Variants in GALNT2 observed in about 807,000 individuals in gnomAD.
GALNT2 encodes UDP-GalNAc:polypeptide N-acetylgalactosaminyltransferase 2.
In GALNT2, 31 loss-of-function variants were observed where a neutral mutation model predicts 81.4. The ratio of observed to expected loss-of-function variants is 0.38; its 90% confidence interval spans 0.29 to 0.51. GALNT2 has a LOEUF of 0.51. GALNT2 is among the 20% of genes least tolerant of loss of function. The probability of loss-of-function intolerance (pLI) is 0.87; values close to 1 mark genes in which losing one functional copy is unlikely to be tolerated. For missense variants in GALNT2, 629 were observed against 765.7 expected, an observed-to-expected ratio of 0.82 and a Z score of 2.11; for synonymous variants, 303 against 287.4, an observed-to-expected ratio of 1.05 and a Z score of -0.55.
At chr1:230,225,583 C>A (rs1664681229) in intron 3 of GALNT2, among the ~76,000 whole-genome samples, 1 of 151,120 alleles carries the variant, frequency 6.6e-6, no homozygotes, top group Non-Finnish European at 1.5e-5. Context: ...AGGAACACAG[C>A]GTGGGCTGGG....
intron 1 of GALNT2, among the ~76,000 whole-genome samples, chr1:230,095,705 G>C (rs555716824): frequency 6.6e-6 from 1 of 152,210 alleles, no homozygotes; most frequent in Non-Finnish European, 1.5e-5. Flanking sequence ...ACTTGAACCA[G>C]TAGACTGCTG....
upstream of GALNT2, chr1:230,067,148 A>C: frequency 6.4e-6 from 2 of 311,060 alleles, no homozygotes; most frequent in Non-Finnish European, 1.0e-5. Context: ...GAGCAGTAGC[A>C]CCGCGCGGGA....
chr1:230,126,168 C>T (rs986231355), intron 1 of GALNT2, among the ~76,000 whole-genome samples: 1 of 152,124 alleles, frequency 6.6e-6, no homozygotes, highest in African/African-American at 2.4e-5. Flanking sequence ...GTGGGGGCAA[C>T]CCCAGCAGAG....
rs532343911 is a variant in GALNT2 at position 230,197,238 on chromosome 1, C to T, written c.221-5899C>T. 2.5e-4 allele frequency among the ~76,000 whole-genome samples: 37 copies of T among 147,928 alleles called. No individual in the cohort carries two copies. In the South Asian group the frequency reaches 8.0e-3, roughly 32 times the overall value. On this transcript the variant is annotated intron_variant, in intron 2 of 15. Coordinates refer to ENST00000366672, the MANE Select transcript of GALNT2 (RefSeq NM_004481.5). ...GGAAATGAAAGGATACAAGTGTAGA[C>T]GTAGGTGAAATCATCCACTGGCCCC... is the stretch of plus-strand genomic sequence containing the variant.
At chr1:230,073,755 C>T (rs1311335114) in intron 1 of GALNT2, among the ~76,000 whole-genome samples, 1 of 152,232 alleles carries the variant, frequency 6.6e-6, no homozygotes, top group Non-Finnish European at 1.5e-5. Flanking sequence ...GGGCTGGCTG[C>T]CTGGGGGCTG....
intron 1 of GALNT2, among the ~76,000 whole-genome samples, chr1:230,147,759 G>A (rs6541297): frequency 0.78 from 117,906 of 152,114 alleles, 46,138 homozygotes; most frequent in Admixed American, 0.81. Context: ...CCCTCTTCCC[G>A]TTGAAGGAGA....
intron 2 of GALNT2, among the ~76,000 whole-genome samples, chr1:230,194,748 G>C (rs184998955): frequency 1.1e-3 from 169 of 152,372 alleles, no homozygotes; most frequent in African/African-American, 3.8e-3. Context: ...TTGCAGGAAC[G>C]CCTGTAGGGC....
chr1:230,068,061 C>T (rs1022908661), intron 1 of GALNT2, among the ~76,000 whole-genome samples: 5 of 152,224 alleles, frequency 3.3e-5, no homozygotes, highest in African/African-American at 7.2e-5. Context: ...CCAGCGTTAC[C>T]CTCTGCCCAA....
chr1:230,148,844 C>G (rs974556235), intron 1 of GALNT2, among the ~76,000 whole-genome samples: 1 of 151,896 alleles, frequency 6.6e-6, no homozygotes, highest in African/African-American at 2.4e-5. Context: ...ACCTCACCCT[C>G]CCAAAGTGTT....
chr1:230,255,520 G>A (rs560882905), intron 11 of GALNT2, 176 bp downstream of exon 11: 21 of 769,536 alleles, frequency 2.7e-5, no homozygotes, highest in South Asian at 1.4e-4. Flanking sequence ...CAACCTGGGC[G>A]CCTTTCCAGG....
chr1:230,146,123 C>T (rs1661908031), intron 1 of GALNT2, among the ~76,000 whole-genome samples: 3 of 152,212 alleles, frequency 2.0e-5, no homozygotes, highest in African/African-American at 7.2e-5. Context: ...CCTTCTTCCT[C>T]CTGGGTTAGG....
chr1:230,263,230 G>C (rs1479367636), intron 13 of GALNT2: 1 of 549,288 alleles, frequency 1.8e-6, no homozygotes, highest in African/African-American at 1.9e-5. Context: ...ATGCTTCGGA[G>C]TCCCAGAGGC....
intron 2 of GALNT2, among the ~76,000 whole-genome samples, chr1:230,188,051 C>T (rs542371986): frequency 5.9e-5 from 9 of 152,206 alleles, no homozygotes; most frequent in East Asian, 5.8e-4. Flanking sequence ...GAGGGTGTGG[C>T]GTTTGCTAGG....
chr1:230,210,812 T>C (rs1332241952), intron 3 of GALNT2, among the ~76,000 whole-genome samples: 2 of 152,254 alleles, frequency 1.3e-5, no homozygotes, highest in Non-Finnish European at 2.9e-5. Context: ...TGCTGTTTAC[T>C]CTCACTGGAA....
At position 230,275,511 on chromosome 1, in the gene GALNT2, C is replaced by G. The variant is rs987480779; in HGVS notation, c.1560+947C>G. Among the ~76,000 whole-genome samples the G allele has an allele frequency of 5.3e-5, 8 of 149,560 alleles. No individual in the cohort carries two copies. Among genetic ancestry groups the G allele is most frequent in the Admixed American group, 4.0e-4 (6 of 14,990 alleles). On this transcript the variant is annotated intron_variant, in intron 15 of 15. Transcript: ENST00000366672. The surrounding 1 kb of genome is among the most constrained non-coding windows in gnomAD (Gnocchi z 5.5). Reference sequence around the variant, plus strand: ...CATATACACACACACACCACAGATACATACATATATATACATGCCACATAG... The same window carrying G: ...CATATACACACACACACCACAGATAGATACATATATATACATGCCACATAG...
intron 3 of GALNT2, among the ~76,000 whole-genome samples, chr1:230,213,060 C>G (rs1664282902): frequency 6.6e-6 from 1 of 152,214 alleles, no homozygotes; most frequent in Non-Finnish European, 1.5e-5. Flanking sequence ...ATGTGTGGCT[C>G]AGTTTCCCCA....
At chr1:230,085,152 T>C (rs924635100) in intron 1 of GALNT2, among the ~76,000 whole-genome samples, 4 of 152,158 alleles carry the variant, frequency 2.6e-5, no homozygotes, top group East Asian at 3.9e-4. Flanking sequence ...GTTTTTATTA[T>C]TAACTCTCCT....
intron 1 of GALNT2, among the ~76,000 whole-genome samples, chr1:230,144,775 T>C (rs6686680): frequency 0.78 from 118,734 of 151,590 alleles, 47,041 homozygotes; most frequent in African/African-American, 0.81. Flanking sequence ...TTATGTGGGG[T>C]GAGGATTAAT....
chr1:230,149,585 T>A (rs766771057), intron 1 of GALNT2, among the ~76,000 whole-genome samples: 7 of 152,056 alleles, frequency 4.6e-5, no homozygotes, highest in Non-Finnish European at 7.4e-5. Flanking sequence ...GGACCTTAGA[T>A]TTTGAGGGTT....
Sources: allele counts gnomAD v4.1 joint callset (sites outside exome capture counted in the v4.1 genomes callset), GRCh38; gene constraint gnomAD v4.1.1; non-coding constraint Gnocchi (gnomAD v3.1); transcripts MANE v1.5; gene names NCBI Gene and HGNC (gene_info 2026-07-23, HGNC 2026-07-21).